DST: variants seen among roughly 807,000 people sequenced by gnomAD.
DST encodes the protein bullous pemphigoid antigen.
DST carries 253 observed loss-of-function variants against 875.2 expected under a neutral mutation model. That is an observed-to-expected ratio of 0.29 (90% CI 0.26 to 0.32). The LOEUF (loss-of-function observed/expected upper bound fraction) is 0.32. DST is among the 10% of genes least tolerant of loss of function. DST has a pLI of 1.00. For synonymous variants in DST, 3,124 were observed against 3,197.1 expected (o/e 0.98, Z 0.77); for missense variants, 8,287 against 9,111.6 (o/e 0.91, Z 3.68).
At position 56,654,415 on chromosome 6, in the gene DST, G is replaced by C. The variant is rs1401303971; in HGVS notation, c.1215-3171C>G. Among the ~76,000 whole-genome samples, 5 of 151,954 alleles carry C rather than the reference G, an allele frequency of 3.3e-5. No individual in the cohort carries two copies. The East Asian group carries it at 9.7e-4, about 29-fold the overall frequency. On this transcript the variant is annotated intron_variant, in intron 10 of 103. Coordinates refer to ENST00000680361, the MANE Select transcript of DST (RefSeq NM_001374736.1). Reference sequence around the variant, plus strand: ...GGCCTTAAAATGAAATTGGAAGTGAGACTAAAAATTGCAAATCACTTATAT... The same window carrying C: ...GGCCTTAAAATGAAATTGGAAGTGACACTAAAAATTGCAAATCACTTATAT...
At position 56,501,152 on chromosome 6, in the gene DST, C is replaced by T. The variant is rs767030375; in HGVS notation, c.19824G>A (p.Glu6608=). The T allele has an allele frequency of 1.1e-4, 170 of 1,612,594 alleles. No homozygotes were observed. Among genetic ancestry groups the T allele is most frequent in the Non-Finnish European group, 1.4e-4 (168 of 1,179,246 alleles). The change falls in exon 80 of 104, where the codon GAG becomes GAA. Residue 6608 remains glutamate (E), a synonymous_variant. Transcript: ENST00000680361. ...CAGGTTTCTGCTCACTTAGCAAGCC[C>T]TCGGTGTGTGTCAGCCATGCCAGGA... ...DELLAWLTHT[E]GLLSEQKPVG...
rs1173740287 is a variant in DST, at chr6:56,552,472, G to C, written c.16320C>G (p.Asp5440Glu). Residue 5440 changes from aspartate to glutamate, a missense_variant, in exon 61 of 104, where the codon GAC becomes GAG. This residue lies in a region of DST where 777 missense variants were observed against 764.8 expected (regional missense o/e 1.02). Coordinates refer to ENST00000680361, the MANE Select transcript of DST (RefSeq NM_001374736.1). ...TCATCTTGCAGGTTTTATTGGCATT[G>C]TCATTGCTTGCCATGAGGGCTTCTA... The part of the protein sequence containing the change: ...KKLEALMASN[D>E]NANKTCKMML... 5 of 1,613,806 alleles carry C rather than the reference G, an allele frequency of 3.1e-6. No homozygotes were observed. In the Admixed American group the frequency reaches 5.0e-5, roughly 16 times the overall value.
At chr6:56,494,809 AT>A (rs2095856717) in intron 82 of DST, among the ~76,000 whole-genome samples, 1 of 152,072 alleles carries the variant, frequency 6.6e-6, no homozygotes, top group African/African-American at 2.4e-5. Flanking sequence ...GCTTAAACAA[AT>A]TCAAAGTTTA....
At chr6:56,657,569 C>G (rs1172673541) in intron 10 of DST, among the ~76,000 whole-genome samples, 1 of 151,730 alleles carries the variant, frequency 6.6e-6, no homozygotes, top group Non-Finnish European at 1.5e-5. Context: ...TGGTTGTCAA[C>G]GGGTGGGGGG....
intron 57 of DST, among the ~76,000 whole-genome samples, 181 bp from the exon 58 acceptor site, chr6:56,560,604 A>G (rs1294064989): frequency 6.6e-6 from 1 of 151,978 alleles, no homozygotes; most frequent in African/African-American, 2.4e-5. Context: ...CTAGTGTTCA[A>G]TTGTGTGATA....
chr6:56,553,273 C>T lies in DST; in HGVS notation c.15519G>A (p.Glu5173=), dbSNP rs771637026. The T allele has an allele frequency of 2.5e-6, 4 of 1,613,700 alleles. No individual in the cohort carries two copies. In the South Asian group the frequency reaches 4.4e-5, roughly 18 times the overall value. ...ESLEKALKYK[E]QVETLWPWID... ...TCCATGGCCAGAGAGTCTCTACTTG[C>T]TCTTTATACTTAAGGGCTTTTTCCA... The change falls in exon 61 of 104, where the codon GAG becomes GAA. Residue 5173 remains glutamate, a synonymous_variant. Transcript: ENST00000680361.
intron 3 of DST, among the ~76,000 whole-genome samples, chr6:56,868,848 G>C (rs754536769): frequency 1.9e-4 from 29 of 152,174 alleles, no homozygotes; most frequent in Non-Finnish European, 3.1e-4. Context: ...AAATTTGAGA[G>C]TTGAAATAAG....
chr6:56,873,048 C>T (rs556136170), intron 3 of DST, among the ~76,000 whole-genome samples: 69 of 152,068 alleles, frequency 4.5e-4, no homozygotes, highest in African/African-American at 1.5e-3. Flanking sequence ...AACCAGGGTG[C>T]GATGATATCC....
intron 10 of DST, among the ~76,000 whole-genome samples, chr6:56,655,615 C>G (rs995284455): frequency 4.6e-5 from 7 of 152,124 alleles, no homozygotes; most frequent in Non-Finnish European, 1.0e-4. Context: ...TGAGAAATTT[C>G]CCTTTCATAA....
intron 4 of DST, among the ~76,000 whole-genome samples, chr6:56,837,711 C>G (rs558437200): frequency 6.6e-6 from 1 of 152,190 alleles, no homozygotes; most frequent in African/African-American, 2.4e-5. Flanking sequence ...ATGATTTTGG[C>G]AATTATGTCA....
At chr6:56,627,164 C>G (rs765826999) in intron 34 of DST, 40 bp downstream of exon 34, 1 of 1,424,486 alleles carries the variant, frequency 7.0e-7, no homozygotes, top group Non-Finnish European at 9.9e-7. Context: ...AATCACAAAC[C>G]TGAATATTAA....
In DST at chr6:56,593,072, T is replaced by A. The variant is rs532469286; in HGVS notation, c.12726+591A>T. Among the ~76,000 whole-genome samples, 9 of 152,286 alleles carry A rather than the reference T, an allele frequency of 5.9e-5. No homozygotes were observed. In the South Asian group the frequency reaches 1.9e-3, roughly 32 times the overall value. ...GAGGCTGCAAGCATCTGTTTTTGCT[T>A]AGAGTCAATGCACAACCGCCATCTT... On this transcript the variant is annotated intron_variant, in intron 48 of 103. Coordinates refer to ENST00000680361, the MANE Select transcript of DST (RefSeq NM_001374736.1).
chr6:56,878,292 G>A (rs1404986248), intron 3 of DST, among the ~76,000 whole-genome samples: 2 of 152,194 alleles, frequency 1.3e-5, no homozygotes, highest in Non-Finnish European at 1.5e-5. Flanking sequence ...GCTTCAAGGA[G>A]ACACCTTGAA....
chr6:56,792,056 G>A (rs2099725791), intron 4 of DST, among the ~76,000 whole-genome samples: 1 of 151,934 alleles, frequency 6.6e-6, no homozygotes, highest in Non-Finnish European at 1.5e-5. Flanking sequence ...CTGAGAATAT[G>A]GTAAAAGGAC....
intron 87 of DST, 102 bp from the exon 88 acceptor site, chr6:56,485,573 G>A (rs2095533598): frequency 8.9e-7 from 1 of 1,128,610 alleles, no homozygotes; most frequent in Non-Finnish European, 1.3e-6. Flanking sequence ...TACTCAAGGG[G>A]AAGAGCAGTA....
At chr6:56,767,038 AT>A (rs1172817841) in intron 4 of DST, among the ~76,000 whole-genome samples, 3 of 152,224 alleles carry the variant, frequency 2.0e-5, no homozygotes, top group African/African-American at 7.2e-5. Context: ...GTCAAAAAAA[AT>A]CAATGAATTT....
intron 36 of DST, among the ~76,000 whole-genome samples, chr6:56,623,599 A>G (rs1468395505): frequency 1.3e-5 from 2 of 152,242 alleles, no homozygotes; most frequent in African/African-American, 2.4e-5. Flanking sequence ...AACATCCAAT[A>G]GATGTTTACT....
Position 56,646,198 on chromosome 6 carries a change from C to T in DST, c.1555-16G>A, listed in dbSNP as rs1200739041. The T allele has an allele frequency of 7.2e-7, 1 of 1,388,768 alleles. No individual in the cohort carries two copies. The highest frequency in any genetic ancestry group is 1.5e-5 in the African/African-American group (1 of 68,102). 86.0% of individuals were successfully genotyped at this position (1,388,768 alleles called of 1,614,324 possible). A position where few individuals can be genotyped will look rare whatever the true frequency, so the allele number is the denominator to read the frequency against. On this transcript the variant is annotated splice_polypyrimidine_tract_variant and intron_variant, in intron 13 of 103. Transcript: ENST00000680361. ...TATAAAGTGCCTAAAATAAAAAGGACAAGAAATTAAGGACCAAACTTAAAA... is the reference window on the plus strand; with the variant it reads ...TATAAAGTGCCTAAAATAAAAAGGATAAGAAATTAAGGACCAAACTTAAAA...
intron 17 of DST, among the ~76,000 whole-genome samples, chr6:56,641,115 C>CAGAGAGAGAGAGAGAGAGAG (rs145412096): frequency 7.0e-5 from 10 of 142,544 alleles, no homozygotes; most frequent in African/African-American, 2.6e-4. Context: ...TATTTATGCA[C>CAGAGAGAGAGAGAGAGAGAG]AGAGAGAGAG....
Sources: allele counts gnomAD v4.1 joint callset (sites outside exome capture counted in the v4.1 genomes callset), GRCh38; gene constraint gnomAD v4.1.1; regional missense constraint gnomAD v4.1.1; transcripts MANE v1.5; gene names NCBI Gene and HGNC (gene_info 2026-07-23, HGNC 2026-07-21).